Variants in C6 observed in about 807,000 individuals in gnomAD.
C6 encodes complement C6.
A neutral mutation model predicts 112.9 loss-of-function variants in C6; 101 were observed. That is an observed-to-expected ratio of 0.89 (90% confidence interval 0.76 to 1.06). The LOEUF is 1.06. Ranked by LOEUF, C6 falls within the 50% of genes least tolerant of loss-of-function variation. C6 has a pLI of 0.00. For synonymous variants in C6, 431 were observed against 384.1 expected (o/e 1.12, Z -1.43); for missense variants, 1,202 against 1,104.6 (o/e 1.09, Z -1.25).
intron 9 of C6, among the ~76,000 whole-genome samples, chr5:41,168,585 A>G (rs1748170233): frequency 6.6e-6 from 1 of 151,484 alleles, no homozygotes; most frequent in South Asian, 2.1e-4. Flanking sequence ...TCTTTCTTTG[A>G]CTCCTTCTGA....
chr5:41,227,377 GAAAATA>G (rs975979946), intron 1 of C6, among the ~76,000 whole-genome samples: 24 of 152,000 alleles, frequency 1.6e-4, no homozygotes, highest in Admixed American at 5.9e-4. Flanking sequence ...CGTATGGTGT[GAAAATA>G]CTTTCTCCTA....
chr5:41,258,997 C>G (rs1741882679), intron 1 of C6, among the ~76,000 whole-genome samples: 1 of 152,132 alleles, frequency 6.6e-6, no homozygotes, highest in Non-Finnish European at 1.5e-5. Context: ...GGTGGGGACA[C>G]AGAACCAAAC....
intron 9 of C6, among the ~76,000 whole-genome samples, chr5:41,170,710 T>G (rs1748357358): frequency 6.6e-6 from 1 of 152,090 alleles, no homozygotes. Context: ...TTTATTATTA[T>G]AGTAAATATT....
At chr5:41,253,200 T>C (rs1741470644) in intron 1 of C6, among the ~76,000 whole-genome samples, 1 of 152,212 alleles carries the variant, frequency 6.6e-6, no homozygotes, top group South Asian at 2.1e-4. Flanking sequence ...CATGGGATTT[T>C]TCCTTTCTGG....
At chr5:41,254,184 T>C (rs1300354695) in intron 1 of C6, among the ~76,000 whole-genome samples, 1 of 152,086 alleles carries the variant, frequency 6.6e-6, no homozygotes, top group Non-Finnish European at 1.5e-5. Flanking sequence ...GGTGGATCAC[T>C]AGGTCAAGAG....
intron 9 of C6, among the ~76,000 whole-genome samples, chr5:41,169,051 C>G (rs563816055): frequency 6.6e-6 from 1 of 152,068 alleles, no homozygotes; most frequent in African/African-American, 2.4e-5. Context: ...CAAAAGATGG[C>G]CTGGCCTTTT....
intron 1 of C6, among the ~76,000 whole-genome samples, chr5:41,241,301 G>A (rs1377749112): frequency 6.6e-6 from 1 of 152,200 alleles, no homozygotes; most frequent in Non-Finnish European, 1.5e-5. Context: ...AGTGATAACA[G>A]CAGTGGTAGT....
intron 1 of C6, among the ~76,000 whole-genome samples, chr5:41,230,055 T>C (rs1408589769): frequency 6.6e-6 from 1 of 152,186 alleles, no homozygotes; most frequent in Non-Finnish European, 1.5e-5. Context: ...ACTTCCCTAA[T>C]AATACTCTTA....
At chr5:41,155,224 T>G (rs756323657) in intron 13 of C6, 120 bp from the exon 14 acceptor site, 1 of 886,096 alleles carries the variant, frequency 1.1e-6, no homozygotes, top group Non-Finnish European at 1.7e-6. Flanking sequence ...CCAAGTCCTC[T>G]CAATTTCTAC....
In C6 at chr5:41,149,261, T is replaced by C; in HGVS notation, c.2603A>G (p.Tyr868Cys). 1 of 1,614,070 alleles carries C rather than the reference T, an allele frequency of 6.2e-7. No individual in the cohort carries two copies. The highest frequency in any genetic ancestry group is 8.5e-7 in the Non-Finnish European group (1 of 1,179,952). ...KKESCGYDTCYDWEKCSASTS... is the reference protein window; with the variant it reads ...KKESCGYDTCCDWEKCSASTS... The stretch of plus-strand genomic sequence containing the variant: ...CTTACCTGAACATTTTTCCCAGTCA[T>C]AGCAGGTGTCATAGCCACAGGATTC... The change falls in exon 17 of 18, where the codon TAT (tyrosine) becomes TGT (cysteine). Residue 868 changes from tyrosine (Y) to cysteine (C), a missense_variant. Tyr to Cys is a radical substitution (Grantham distance 194, BLOSUM62 -2). Transcript: ENST00000337836.
intron 1 of C6, among the ~76,000 whole-genome samples, chr5:41,220,938 TA>T (rs890110479): frequency 6.6e-6 from 1 of 151,818 alleles, no homozygotes; most frequent in East Asian, 1.9e-4. Context: ...ACAGATTTTT[TA>T]AAAAAAGAGC....
At chr5:41,201,191 C>T (rs1751006061) in intron 3 of C6, among the ~76,000 whole-genome samples, 1 of 151,974 alleles carries the variant, frequency 6.6e-6, no homozygotes. Flanking sequence ...ATTTCAGAAT[C>T]CACAAAACAT....
intron 1 of C6, among the ~76,000 whole-genome samples, chr5:41,232,813 C>A (rs1474978090): frequency 1.3e-5 from 2 of 151,544 alleles, no homozygotes; most frequent in Non-Finnish European, 2.9e-5. Context: ...ATTTTTTGTT[C>A]TTTTTTCTCA....
intron 1 of C6, among the ~76,000 whole-genome samples, chr5:41,255,057 C>A (rs1741599334): frequency 6.6e-6 from 1 of 152,086 alleles, no homozygotes; most frequent in African/African-American, 2.4e-5. Context: ...TAGAAATTAA[C>A]TTTAAAAAAG....
intron 7 of C6, among the ~76,000 whole-genome samples, chr5:41,177,704 A>AATCT (rs895206327): frequency 7.2e-5 from 11 of 152,152 alleles, no homozygotes; most frequent in African/African-American, 2.4e-4. Flanking sequence ...AATCAGCATT[A>AATCT]ATCTCCCTTC....
chr5:41,187,445 G>A (rs1749862588), intron 5 of C6, among the ~76,000 whole-genome samples: 1 of 152,052 alleles, frequency 6.6e-6, no homozygotes, highest in South Asian at 2.1e-4. Context: ...CATTTGTGAG[G>A]GAATCAAGAA....
intron 1 of C6, among the ~76,000 whole-genome samples, chr5:41,230,232 T>C (rs571093895): frequency 6.6e-6 from 1 of 152,282 alleles, no homozygotes; most frequent in Non-Finnish European, 1.5e-5. Context: ...ACAGGGAAGA[T>C]AACCATAAGG....
At chr5:41,208,913 A>G (rs1032593364) in intron 1 of C6, among the ~76,000 whole-genome samples, 1 of 152,086 alleles carries the variant, frequency 6.6e-6, no homozygotes, top group Non-Finnish European at 1.5e-5. Flanking sequence ...GCAGAGACAC[A>G]ACGAAAAAAG....
intron 5 of C6, among the ~76,000 whole-genome samples, chr5:41,188,419 T>C (rs114193936): frequency 0.011 from 1,630 of 152,176 alleles, 15 homozygotes; most frequent in Non-Finnish European, 0.015. Flanking sequence ...GGCATGAGGA[T>C]AGACAGACAT....
Sources: allele counts gnomAD v4.1 joint callset (sites outside exome capture counted in the v4.1 genomes callset), GRCh38; gene constraint gnomAD v4.1.1; transcripts MANE v1.5; gene names NCBI Gene and HGNC (gene_info 2026-07-23, HGNC 2026-07-21).